The following TGFBR3 variants were observed in gnomAD, a reference collection of about 807,000 sequenced individuals.
TGFBR3 encodes the protein transforming growth factor beta receptor type 3.
In TGFBR3, 46 loss-of-function variants were observed where a neutral mutation model predicts 87.9. The observed-to-expected ratio is 0.52, with a 90% CI of 0.41 to 0.67. TGFBR3 has a LOEUF of 0.67. Ranked by LOEUF, TGFBR3 falls within the 30% of genes least tolerant of loss-of-function variation. TGFBR3 has a pLI of 0.00. For synonymous variants in TGFBR3, 381 were observed against 391.6 expected (o/e 0.97, Z 0.32); for missense variants, 866 against 1,041.9 (o/e 0.83, Z 2.32).
chr1:91,821,328 CAAAAAAAA>C (rs35313779), intron 2 of TGFBR3, among the ~76,000 whole-genome samples: 5 of 77,594 alleles, frequency 6.4e-5, no homozygotes, highest in African/African-American at 1.0e-4. Flanking sequence ...AAGACTGTCT[CAAAAAAAA>C]AAAAAAAAAA....
chr1:91,681,144 G>T lies in TGFBR3; in HGVS notation c.*2595C>A, dbSNP rs771508847. 2.2e-6 allele frequency: 1 copy of T among 454,100 alleles called. No homozygotes were observed. Among genetic ancestry groups the T allele is most frequent in the South Asian group, 1.6e-5 (1 of 64,476 alleles). The allele number at this position is 454,100 out of a possible 1,614,324, so 28.1% of individuals were successfully genotyped here. A position where few individuals can be genotyped will look rare whatever the true frequency, so the allele number is the denominator to read the frequency against. ...TACAACAATACTTTTAAAGAAACTT[G>T]TAGTACACGTTATAAAAGTAGAGCT... On this transcript the variant is annotated 3_prime_UTR_variant, in exon 17 of 17. Coordinates refer to ENST00000212355, the MANE Select transcript of TGFBR3 (RefSeq NM_003243.5).
At chr1:91,877,935 G>C (rs1678920260) in intron 1 of TGFBR3, among the ~76,000 whole-genome samples, 2 of 152,268 alleles carry the variant, frequency 1.3e-5, no homozygotes, top group South Asian at 4.1e-4. Context: ...CTAAAAGATA[G>C]ACCAGCAATA....
chr1:91,880,552 C>G (rs186229452), intron 1 of TGFBR3, among the ~76,000 whole-genome samples: 2 of 151,932 alleles, frequency 1.3e-5, no homozygotes, highest in Non-Finnish European at 2.9e-5. Context: ...GAGCCGAGAT[C>G]GCGCCACTGC....
chr1:91,787,833 T>A (rs757425439), intron 3 of TGFBR3, among the ~76,000 whole-genome samples: 1 of 151,334 alleles, frequency 6.6e-6, no homozygotes, highest in Non-Finnish European at 1.5e-5. Context: ...GCGCCTATAG[T>A]CCCAGCTACT....
intron 3 of TGFBR3, 25 bp from the exon 4 acceptor site, chr1:91,758,775 G>C (rs759731077): frequency 6.2e-7 from 1 of 1,613,630 alleles, no homozygotes. Flanking sequence ...AAAGAGGGCA[G>C]AAATCTTAGC....
At chr1:91,717,381 GA>G (rs1166023105) in intron 10 of TGFBR3, among the ~76,000 whole-genome samples, 1 of 152,176 alleles carries the variant, frequency 6.6e-6, no homozygotes, top group African/African-American at 2.4e-5. Context: ...ATGTGGAAAA[GA>G]ATACGTTTTA....
intron 2 of TGFBR3, 90 bp from the exon 3 acceptor site, chr1:91,797,561 AC>A: frequency 7.1e-7 from 1 of 1,401,342 alleles, no homozygotes; most frequent in Non-Finnish European, 1.0e-6. Context: ...CTGCCAACCC[AC>A]CAGAGATGCC....
intron 16 of TGFBR3, among the ~76,000 whole-genome samples, chr1:91,685,746 C>A (rs1167370226): frequency 6.6e-6 from 1 of 152,070 alleles, no homozygotes; most frequent in Non-Finnish European, 1.5e-5. Context: ...TAACTTTCTG[C>A]CAAAAATTCA....
rs116647685 is a variant in TGFBR3, at chr1:91,718,355, G to A, written c.1566+957C>T. On this transcript the variant is annotated intron_variant, in intron 10 of 16. Transcript: ENST00000212355. ...GAGAGTCACTTCCCACAGGAACCAC[G>A]CTGACCAGAGCACCTGATTGCTAGC... Among the ~76,000 whole-genome samples, 247 of 152,150 alleles carry A rather than the reference G, an allele frequency of 1.6e-3. 1 individual carries two copies. The highest frequency in any genetic ancestry group is 3.4e-3 in the Middle Eastern group (1 of 294).
At chr1:91,902,436 C>T (rs1437555497) in intron 1 of TGFBR3, among the ~76,000 whole-genome samples, 1 of 151,892 alleles carries the variant, frequency 6.6e-6, no homozygotes, top group African/African-American at 2.4e-5. Context: ...CAAACACAAA[C>T]ACACCTGGCT....
Position 91,722,213 on chromosome 1 carries a change from A to G in TGFBR3, c.886-69T>C, listed in dbSNP as rs1672394742. 5.0e-6 allele frequency: 6 copies of G among 1,203,122 alleles called. No homozygotes were observed. The South Asian group carries it at 5.4e-5, about 11-fold the overall frequency. The allele number at this position is 1,203,122 out of a possible 1,614,324, so 74.5% of individuals were successfully genotyped here. A position where few individuals can be genotyped will look rare whatever the true frequency, so the allele number is the denominator to read the frequency against. On this transcript the variant is annotated intron_variant, in intron 7 of 16. Transcript: ENST00000212355. Reference sequence around the variant, plus strand: ...CAGTACTTTAGATAATAAAAATTAAATATCTTAAATAAGTAGATTCTATAT... The same window carrying G: ...CAGTACTTTAGATAATAAAAATTAAGTATCTTAAATAAGTAGATTCTATAT...
intron 2 of TGFBR3, among the ~76,000 whole-genome samples, chr1:91,898,803 A>G (rs543212756): frequency 2.6e-5 from 4 of 152,340 alleles, no homozygotes; most frequent in African/African-American, 9.6e-5. Flanking sequence ...ACAGCCGGGC[A>G]TCGTGGCTCA....
intron 2 of TGFBR3, among the ~76,000 whole-genome samples, chr1:91,893,346 G>A (rs1278501234): frequency 2.0e-5 from 3 of 151,792 alleles, no homozygotes; most frequent in Non-Finnish European, 4.4e-5. Context: ...GTACAGTGGC[G>A]TGATCTCGGC....
chr1:91,865,134 G>A (rs1468637308), intron 1 of TGFBR3, among the ~76,000 whole-genome samples: 1 of 149,336 alleles, frequency 6.7e-6, no homozygotes, highest in Non-Finnish European at 1.5e-5. Flanking sequence ...ACCCAGGAGA[G>A]GGAAATTGCA....
chr1:91,723,239 G>A (rs954750280), intron 7 of TGFBR3, among the ~76,000 whole-genome samples: 1 of 152,028 alleles, frequency 6.6e-6, no homozygotes, highest in Non-Finnish European at 1.5e-5. Flanking sequence ...ACTAGCATTT[G>A]GGGAGGCTGA....
intron 1 of TGFBR3, among the ~76,000 whole-genome samples, chr1:91,904,048 G>T (rs140438237): frequency 6.6e-6 from 1 of 152,014 alleles, no homozygotes; most frequent in Non-Finnish European, 1.5e-5. Flanking sequence ...CTGGTGGCGC[G>T]TTCCTATAAT....
At chr1:91,733,942 G>A (rs1672861248) in intron 5 of TGFBR3, among the ~76,000 whole-genome samples, 1 of 151,618 alleles carries the variant, frequency 6.6e-6, no homozygotes, top group African/African-American at 2.4e-5. Flanking sequence ...GACTGAAGCA[G>A]GAGAATCACT....
At chr1:91,871,428 T>C (rs771888808) in intron 1 of TGFBR3, among the ~76,000 whole-genome samples, 3 of 152,202 alleles carry the variant, frequency 2.0e-5, no homozygotes, top group Non-Finnish European at 4.4e-5. Context: ...GGTGGGCACA[T>C]AGCAGCAAAT....
Position 91,682,012 on chromosome 1 carries a change from T to C in TGFBR3, c.*1727A>G, listed in dbSNP as rs1265096375. On this transcript the variant is annotated 3_prime_UTR_variant, in exon 17 of 17. Transcript: ENST00000212355. ...GTAGATAGCCTGGAAATCTCAGCCCTAAAGTAATGTTTTAGTTAAAATGTT... is the reference window on the plus strand; with the variant it reads ...GTAGATAGCCTGGAAATCTCAGCCCCAAAGTAATGTTTTAGTTAAAATGTT... 1 of 453,714 alleles carries C rather than the reference T, an allele frequency of 2.2e-6. No homozygotes were observed. Among genetic ancestry groups the C allele is most frequent in the African/African-American group, 2.0e-5 (1 of 49,926 alleles). The allele number at this position is 453,714 out of a possible 1,614,324, so 28.1% of individuals were successfully genotyped here.
Sources: gnomAD v4.1 joint callset for allele counts (sites outside exome capture counted in the v4.1 genomes callset) on GRCh38, gnomAD v4.1.1 for gene constraint, MANE v1.5 for transcripts, NCBI Gene and HGNC (gene_info 2026-07-23, HGNC 2026-07-21) for gene names.